The following CDC40 variants were observed in gnomAD, a reference collection of about 807,000 sequenced individuals.
CDC40 encodes cell division cycle 40, also known as pre-mRNA-processing factor 17.
CDC40 carries 27 observed loss-of-function variants against 80.6 expected under a neutral mutation model. That is an observed-to-expected ratio of 0.33 (90% CI 0.25 to 0.46). CDC40 has a LOEUF of 0.46. CDC40 is among the 20% of genes least tolerant of loss of function. CDC40 has a pLI of 1.00. For missense variants in CDC40, 486 were observed against 694.1 expected, an observed-to-expected ratio of 0.70 and a Z score of 3.37; for synonymous variants, 221 against 232.6, an observed-to-expected ratio of 0.95 and a Z score of 0.45.
chr6:110,190,693 AC>A (rs1777335308), intron 1 of CDC40, among the ~76,000 whole-genome samples: 1 of 151,906 alleles, frequency 6.6e-6, no homozygotes, highest in Non-Finnish European at 1.5e-5. Context: ...GTAGTAGGAC[AC>A]CTGCAGGGTG....
At chr6:110,221,050 C>T (rs1444384265) in intron 12 of CDC40, among the ~76,000 whole-genome samples, 2 of 152,084 alleles carry the variant, frequency 1.3e-5, no homozygotes, top group Admixed American at 6.5e-5. Context: ...GTTAATTGTA[C>T]TTTACTAGGG....
chr6:110,189,248 T>C (rs530047308), intron 1 of CDC40, among the ~76,000 whole-genome samples: 3 of 152,348 alleles, frequency 2.0e-5, no homozygotes, highest in Non-Finnish European at 4.4e-5. Context: ...TTCTTTTTTT[T>C]CATATTATTT....
rs1343463184 is a variant in CDC40 at position 110,209,124 on chromosome 6, G to A, written c.531G>A (p.Lys177=). ...AAACTGGTCAGAAGAAAACAGAAAA[G>A]AGGAAAAAGTTTAAAGAAAATGATG... is the stretch of plus-strand genomic sequence containing the variant. ...VFETGQKKTE[K]RKKFKENDAS... The change falls in exon 5 of 15, where the codon AAG becomes AAA. Residue 177 remains lysine (K), a synonymous_variant. Coordinates refer to ENST00000307731, the MANE Select transcript of CDC40 (RefSeq NM_015891.3). 6.2e-7 allele frequency: 1 copy of A among 1,600,252 alleles called. No homozygotes were observed. The highest frequency in any genetic ancestry group is 8.6e-7 in the Non-Finnish European group (1 of 1,168,338).
chr6:110,197,503 G>T (rs1303590227), intron 2 of CDC40, among the ~76,000 whole-genome samples: 1 of 152,076 alleles, frequency 6.6e-6, no homozygotes, highest in African/African-American at 2.4e-5. Context: ...TAGTCACCAT[G>T]TTGTACAATA....
chr6:110,221,085 C>T (rs1470834185), intron 12 of CDC40, among the ~76,000 whole-genome samples: 1 of 152,086 alleles, frequency 6.6e-6, no homozygotes, highest in Non-Finnish European at 1.5e-5. Flanking sequence ...TAAAGTTAAG[C>T]AATATACTAG....
chr6:110,228,140 T>C (rs1777889184), intron 13 of CDC40, among the ~76,000 whole-genome samples: 1 of 152,130 alleles, frequency 6.6e-6, no homozygotes. Context: ...GTGGTAAGCA[T>C]TTGTGTATCT....
rs1777945280 is a variant in CDC40 at position 110,232,045 on chromosome 6, A to G, written c.*1914A>G. 6.7e-6 allele frequency: 1 copy of G among 149,726 alleles called. No individual in the cohort carries two copies. Among genetic ancestry groups the G allele is most frequent in the Non-Finnish European group, 1.5e-5 (1 of 67,528 alleles). The allele number at this position is 149,726 out of a possible 1,614,324, so 9.3% of individuals were successfully genotyped here. ...TGAATTATTGAAATGTGAAGGGACA[A>G]AAAGAATCATACATTTAAACTGTCT... On this transcript the variant is annotated 3_prime_UTR_variant, in exon 15 of 15. Coordinates refer to ENST00000307731, the MANE Select transcript of CDC40 (RefSeq NM_015891.3).
chr6:110,225,874 T>C (rs1185786502), intron 12 of CDC40, among the ~76,000 whole-genome samples: 1 of 152,222 alleles, frequency 6.6e-6, no homozygotes, highest in Non-Finnish European at 1.5e-5. Flanking sequence ...AAGAACTTTC[T>C]TTCAGTAACA....
Position 110,217,741 on chromosome 6 carries a change from C to T in CDC40, c.1028C>T (p.Ala343Val). 1.0e-5 allele frequency: 16 copies of T among 1,606,158 alleles called. No individual in the cohort carries two copies. Among genetic ancestry groups the T allele is most frequent in the Non-Finnish European group, 1.4e-5 (16 of 1,172,846 alleles). Residue 343 changes from alanine to valine, a missense_variant, in exon 10 of 15, where the codon GCA becomes GTA. This residue lies in a region of CDC40 where 381 missense variants were observed against 492.1 expected (regional missense o/e 0.77). Coordinates refer to ENST00000307731, the MANE Select transcript of CDC40 (RefSeq NM_015891.3). Reference protein sequence around the residue: ...KAVRDICFNTAGTQFLSAAYD... With the variant: ...KAVRDICFNTVGTQFLSAAYD... ...GTTAGGGATATCTGCTTCAATACTG[C>T]AGGAACACAGTTCCTCAGTGCAGCC...
At chr6:110,198,992 A>T (rs1384246240) in intron 2 of CDC40, 1 of 152,158 alleles carries the variant, frequency 6.6e-6, no homozygotes, top group African/African-American at 2.4e-5. Context: ...GAGTCCTGCT[A>T]AGTAGCGTTC....
chr6:110,198,959 A>G (rs1339454374), intron 2 of CDC40: 2 of 152,156 alleles, frequency 1.3e-5, no homozygotes, highest in Admixed American at 6.5e-5. Context: ...TGAGAAACCT[A>G]TCTTGAGTAA....
chr6:110,207,664 T>A, intron 4 of CDC40, 75 bp downstream of exon 4: 1 of 818,398 alleles, frequency 1.2e-6, no homozygotes, highest in Non-Finnish European at 2.1e-6. Context: ...TGACTTTAAT[T>A]AGACAGTAAA....
rs558777194 is a variant in CDC40 at position 110,188,633 on chromosome 6, G to A, written c.190-4549G>A. Among the ~76,000 whole-genome samples the A allele has an allele frequency of 2.6e-4, 39 of 152,240 alleles. 1 individual carries two copies. Among genetic ancestry groups the A allele is most frequent in the African/African-American group, 9.4e-4 (39 of 41,532 alleles). Reference sequence around the variant, plus strand: ...TTCAGCTGAGGCTCAGGACTGTTGGGTGGGTGTATCTGTTGGGCTCAGCCA... The same window carrying A: ...TTCAGCTGAGGCTCAGGACTGTTGGATGGGTGTATCTGTTGGGCTCAGCCA... On this transcript the variant is annotated intron_variant, in intron 1 of 14. Coordinates refer to ENST00000307731, the MANE Select transcript of CDC40 (RefSeq NM_015891.3).
At chr6:110,215,783 G>C (rs1159639957) in intron 9 of CDC40, among the ~76,000 whole-genome samples, 1 of 152,160 alleles carries the variant, frequency 6.6e-6, no homozygotes, top group African/African-American at 2.4e-5. Flanking sequence ...GATTTGGTAG[G>C]GCAAGCCTGG....
At chr6:110,223,660 C>T (rs1399942371) in intron 12 of CDC40, among the ~76,000 whole-genome samples, 1 of 152,142 alleles carries the variant, frequency 6.6e-6, no homozygotes, top group African/African-American at 2.4e-5. Context: ...GTTTGCCAAA[C>T]TTTTATACTT....
chr6:110,181,067 T>C (rs926107433), intron 1 of CDC40, among the ~76,000 whole-genome samples: 10 of 152,246 alleles, frequency 6.6e-5, no homozygotes, highest in Non-Finnish European at 8.8e-5. Flanking sequence ...TTATGCAGCC[T>C]CCTTTCTTTC....
chr6:110,219,227 T>A, intron 10 of CDC40, 137 bp from the exon 11 acceptor site: 1 of 462,258 alleles, frequency 2.2e-6, no homozygotes. Context: ...AAAGAACAAA[T>A]GTAGTTTACA....
At chr6:110,225,633 G>A (rs181855093) in intron 12 of CDC40, among the ~76,000 whole-genome samples, 4 of 152,274 alleles carry the variant, frequency 2.6e-5, no homozygotes, top group African/African-American at 7.2e-5. Flanking sequence ...ATTGCTGCAG[G>A]CTGTTTAACA....
chr6:110,219,092 G>T (rs1264000049), intron 10 of CDC40, among the ~76,000 whole-genome samples: 1 of 151,964 alleles, frequency 6.6e-6, no homozygotes, highest in Non-Finnish European at 1.5e-5. Flanking sequence ...TGTACCAGTA[G>T]TTTGTTCTTT....
Sources: allele counts gnomAD v4.1 joint callset (sites outside exome capture counted in the v4.1 genomes callset), GRCh38; gene constraint gnomAD v4.1.1; regional missense constraint gnomAD v4.1.1; transcripts MANE v1.5; gene names NCBI Gene and HGNC (gene_info 2026-07-23, HGNC 2026-07-21).